The following RNF152 variants were observed in gnomAD, a reference collection of about 807,000 sequenced individuals.
The protein encoded by RNF152 is E3 ubiquitin-protein ligase RNF152.
Under a neutral mutation model 12.7 loss-of-function variants are expected in RNF152, and 11 were observed. The ratio of observed to expected loss-of-function variants is 0.86; its 90% CI spans 0.54 to 1.43. The LOEUF is 1.43. Among genes scored for constraint, RNF152 ranks in the 40% most tolerant of loss-of-function variants. RNF152 has a pLI of 0.00. For synonymous variants in RNF152, 113 were observed against 120.3 expected (o/e 0.94, Z 0.40); for missense variants, 255 against 274.8 (o/e 0.93, Z 0.51).
At position 61,815,642 on chromosome 18, in the gene RNF152, C is replaced by T; in HGVS notation, c.*210G>A. On this transcript the variant is annotated 3_prime_UTR_variant, in exon 2 of 2. Transcript: ENST00000312828. ...CATGCAATCATCTTCCAAGCTGTTG[C>T]CATCAACACTCAGAACAATTCACCT... The T allele has an allele frequency of 3.6e-6, 2 of 560,304 alleles. No individual in the cohort carries two copies. Among genetic ancestry groups the T allele is most frequent in the Admixed American group, 3.2e-5 (1 of 31,384 alleles). The allele number at this position is 560,304 out of a possible 1,614,324, so 34.7% of individuals were successfully genotyped here.
chr18:61,836,562 G>A (rs1910195388), intron 1 of RNF152, among the ~76,000 whole-genome samples: 10 of 152,092 alleles, frequency 6.6e-5, no homozygotes, highest in Admixed American at 5.9e-4. Context: ...CCAGAAAGAA[G>A]GTTCCCACCC....
At chr18:61,829,193 C>G (rs559768538) in intron 1 of RNF152, among the ~76,000 whole-genome samples, 43 of 152,162 alleles carry the variant, frequency 2.8e-4, no homozygotes, top group Non-Finnish European at 5.3e-4. Context: ...TGGTTTAGCT[C>G]TTCTCCTAGC....
chr18:61,829,331 C>A (rs560198651), intron 1 of RNF152, among the ~76,000 whole-genome samples: 11 of 152,108 alleles, frequency 7.2e-5, no homozygotes, highest in Non-Finnish European at 1.5e-4. Flanking sequence ...GGCACAGACC[C>A]AGAGACAGAT....
chr18:61,840,355 AG>A (rs1445325587), intron 1 of RNF152, among the ~76,000 whole-genome samples: 2 of 152,220 alleles, frequency 1.3e-5, no homozygotes, highest in East Asian at 3.9e-4. Context: ...GAAGTAGGCA[AG>A]CCTCAACATC....
rs34966668 is a variant in RNF152, at chr18:61,808,387, T to TAAAAAAAAAAAAAAAAAAAAAAAAA, written c.*7440_*7464dup. The TAAAAAAAAAAAAAAAAAAAAAAAAA allele has an allele frequency of 5.9e-5, 3 of 50,792 alleles. No homozygotes were observed. Among genetic ancestry groups the TAAAAAAAAAAAAAAAAAAAAAAAAA allele is most frequent in the African/African-American group, 7.1e-5 (1 of 14,114 alleles). The allele number at this position is 50,792 out of a possible 1,614,324, so 3.1% of individuals were successfully genotyped here. A position where few individuals can be genotyped will look rare whatever the true frequency, so the allele number is the denominator to read the frequency against. ...TTTATCTGTAGGGCTATTTGGCCCT[T>TAAAAAAAAAAAAAAAAAAAAAAAAA]AAAAAAAAAAAAAAAAAAAAAAAAA... is the stretch of plus-strand genomic sequence containing the variant. On this transcript the variant is annotated 3_prime_UTR_variant, in exon 2 of 2. Coordinates refer to ENST00000312828, the MANE Select transcript of RNF152 (RefSeq NM_173557.3).
At chr18:61,885,053 G>A (rs573881125) in intron 1 of RNF152, among the ~76,000 whole-genome samples, 1 of 152,302 alleles carries the variant, frequency 6.6e-6, no homozygotes, top group East Asian at 1.9e-4. Context: ...CTCTTTACCT[G>A]CATGGTTGAA....
intron 1 of RNF152, among the ~76,000 whole-genome samples, chr18:61,834,815 A>G (rs1013266761): frequency 6.6e-6 from 1 of 152,240 alleles, no homozygotes; most frequent in Non-Finnish European, 1.5e-5. Context: ...CTTAAAAGAA[A>G]GAGTTACTAG....
At chr18:61,846,495 T>C (rs1034884467) in intron 1 of RNF152, among the ~76,000 whole-genome samples, 11 of 152,194 alleles carry the variant, frequency 7.2e-5, no homozygotes, top group Admixed American at 5.9e-4. Context: ...GACAATTCAT[T>C]GTCTTACAGG....
At chr18:61,887,022 G>A (rs1912731367) in intron 1 of RNF152, among the ~76,000 whole-genome samples, 1 of 152,186 alleles carries the variant, frequency 6.6e-6, no homozygotes, top group Non-Finnish European at 1.5e-5. Flanking sequence ...GACATTTTAG[G>A]CCACAGAATG....
At chr18:61,842,578 T>C (rs1005214532) in intron 1 of RNF152, among the ~76,000 whole-genome samples, 9 of 152,204 alleles carry the variant, frequency 5.9e-5, no homozygotes, top group Admixed American at 1.3e-4. Flanking sequence ...GCTTGACTAT[T>C]GAGCACCTTC....
intron 1 of RNF152, among the ~76,000 whole-genome samples, chr18:61,851,974 A>G (rs1379914844): frequency 6.6e-6 from 1 of 152,180 alleles, no homozygotes; most frequent in Non-Finnish European, 1.5e-5. Context: ...TATCTATAAT[A>G]TCCTCCCTAT....
At chr18:61,874,407 G>A (rs1912126517) in intron 1 of RNF152, among the ~76,000 whole-genome samples, 1 of 152,192 alleles carries the variant, frequency 6.6e-6, no homozygotes, top group African/African-American at 2.4e-5. Context: ...TGGAAAGAAC[G>A]TTTCTTGATG....
Position 61,892,927 on chromosome 18 carries a change from AATACATGCAGGAAGGGTTAG to A in RNF152, c.-288_-269del, listed in dbSNP as rs1263681644. The A allele has an allele frequency of 6.6e-6, 1 of 152,290 alleles. No homozygotes were observed. The highest frequency in any genetic ancestry group is 1.5e-5 in the Non-Finnish European group (1 of 68,108). The allele number at this position is 152,290 out of a possible 1,614,324, so 9.4% of individuals were successfully genotyped here. ...CTGAGCTTTCTTCAGCCTGCAGTGA[AATACATGCAGGAAGGGTTAG>A]ATACGCGCCGCGGAGAAGGAAATCC... On this transcript the variant is annotated 5_prime_UTR_variant, in exon 1 of 2. The change abolishes an upstream ATG in the 5' untranslated region. Transcript: ENST00000312828.
chr18:61,852,471 A>T (rs891272927), intron 1 of RNF152, among the ~76,000 whole-genome samples: 7 of 152,204 alleles, frequency 4.6e-5, no homozygotes, highest in Non-Finnish European at 1.0e-4. Context: ...TCATACACTG[A>T]TCTGTGTATA....
At chr18:61,865,654 CTG>C (rs747475848) in intron 1 of RNF152, among the ~76,000 whole-genome samples, 3 of 152,284 alleles carry the variant, frequency 2.0e-5, no homozygotes, top group African/African-American at 4.8e-5. Flanking sequence ...TTTAGAGTCT[CTG>C]TTGCCACAGA....
At chr18:61,855,571 C>G (rs1911186180) in intron 1 of RNF152, among the ~76,000 whole-genome samples, 1 of 152,258 alleles carries the variant, frequency 6.6e-6, no homozygotes. Context: ...TGCAGTGCAT[C>G]TGGTGCAGCT....
intron 1 of RNF152, among the ~76,000 whole-genome samples, chr18:61,826,071 G>C (rs1336485702): frequency 6.6e-6 from 1 of 152,192 alleles, no homozygotes; most frequent in Non-Finnish European, 1.5e-5. Context: ...AAATGTGAAA[G>C]CAGTCATAGT....
intron 1 of RNF152, among the ~76,000 whole-genome samples, chr18:61,860,202 T>C (rs1314716568): frequency 6.6e-6 from 1 of 152,182 alleles, no homozygotes; most frequent in Non-Finnish European, 1.5e-5. Flanking sequence ...ACCATGCCTG[T>C]GGACTTCCAG....
At chr18:61,885,157 A>C (rs1296369814) in intron 1 of RNF152, among the ~76,000 whole-genome samples, 3 of 152,232 alleles carry the variant, frequency 2.0e-5, no homozygotes, top group African/African-American at 7.2e-5. Flanking sequence ...CCATGTGCTC[A>C]CCAACCACTT....
Sources: gnomAD v4.1 joint callset for allele counts (sites outside exome capture counted in the v4.1 genomes callset) on GRCh38, gnomAD v4.1.1 for gene constraint, MANE v1.5 for transcripts, NCBI Gene and HGNC (gene_info 2026-07-23, HGNC 2026-07-21) for gene names.